RGS10: variants seen among roughly 807,000 people sequenced by gnomAD.
The protein encoded by RGS10 is regulator of G-protein signalling 10.
Under a neutral mutation model 23.5 loss-of-function variants are expected in RGS10, and 11 were observed. The ratio of observed to expected loss-of-function variants is 0.47; its 90% CI spans 0.29 to 0.77. The LOEUF is 0.77. Among genes scored for constraint, RGS10 ranks in the 30% least tolerant of loss-of-function variants. The pLI, the probability that RGS10 is intolerant of heterozygous loss-of-function variation, is 0.08. For synonymous variants in RGS10, 77 were observed against 83.2 expected, an observed-to-expected ratio of 0.92 and a Z score of 0.41; for missense variants, 180 against 226.3, an observed-to-expected ratio of 0.80 and a Z score of 1.31.
At chr10:119,518,849 A>T (rs1306397911) in intron 3 of RGS10, among the ~76,000 whole-genome samples, 3 of 151,852 alleles carry the variant, frequency 2.0e-5, no homozygotes, top group African/African-American at 7.3e-5. Context: ...GGATTACAGG[A>T]GTCCGCCACC....
At chr10:119,528,775 A>G (rs3009923) in intron 1 of RGS10, among the ~76,000 whole-genome samples, 65 of 152,226 alleles carry the variant, frequency 4.3e-4, no homozygotes, top group Middle Eastern at 3.4e-3. Flanking sequence ...CGGAGGTTGC[A>G]GTGAGCCAAG....
At chr10:119,529,224 G>A (rs559926949) in intron 1 of RGS10, among the ~76,000 whole-genome samples, 4 of 152,092 alleles carry the variant, frequency 2.6e-5, no homozygotes, top group South Asian at 2.1e-4. Context: ...GGGCTGAGGC[G>A]GGTGGATCAC....
chr10:119,526,663 C>G (rs1319345186), intron 2 of RGS10, among the ~76,000 whole-genome samples: 2 of 152,218 alleles, frequency 1.3e-5, no homozygotes, highest in African/African-American at 4.8e-5. Flanking sequence ...CGACCAGGAA[C>G]TAGAAGCCTA....
In RGS10 at chr10:119,499,824, T is replaced by G; in HGVS notation, c.*289A>C. The G allele has an allele frequency of 3.4e-6, 1 of 296,934 alleles. No individual in the cohort carries two copies. Among genetic ancestry groups the G allele is most frequent in the Non-Finnish European group, 6.3e-6 (1 of 158,970 alleles). 18.4% of individuals were successfully genotyped at this position (296,934 alleles called of 1,614,324 possible). On this transcript the variant is annotated 3_prime_UTR_variant, in exon 5 of 5. Transcript: ENST00000369103. ...AAAAGGTAGTGTGATACGTTTCACC[T>G]TGTGGCCTTACATGAGGTTTAATTA... is the stretch of plus-strand genomic sequence containing the variant.
chr10:119,500,050 G>C lies in RGS10; in HGVS notation c.*63C>G, dbSNP rs533878986. On this transcript the variant is annotated 3_prime_UTR_variant, in exon 5 of 5. Coordinates refer to ENST00000369103, the MANE Select transcript of RGS10 (RefSeq NM_001005339.2). ...CAAATAACAAAGCAATGATAAACCCGGCACGGTCCTGAGAGGAAATTCCTT... is the reference window on the plus strand; with the variant it reads ...CAAATAACAAAGCAATGATAAACCCCGCACGGTCCTGAGAGGAAATTCCTT... 2.6e-6 allele frequency: 4 copies of C among 1,551,996 alleles called. No homozygotes were observed. The highest frequency in any genetic ancestry group is 1.4e-5 in the African/African-American group (1 of 72,520).
intron 1 of RGS10, among the ~76,000 whole-genome samples, chr10:119,535,340 G>A (rs555328030): frequency 2.6e-5 from 4 of 151,672 alleles, no homozygotes; most frequent in Admixed American, 6.5e-5. Context: ...ATGTATATGC[G>A]TTTTCCATTT....
In RGS10 at chr10:119,525,717, C is replaced by A. The variant is rs539783707; in HGVS notation, c.255+315G>T. ...CGTTTTACCACGTCCAAAATGCTAA[C>A]ATGTCAAAATGTGGGGAAAACATCC... On this transcript the variant is annotated intron_variant, in intron 3 of 4. Transcript: ENST00000369103. Among the ~76,000 whole-genome samples, 27 of 152,270 alleles carry A rather than the reference C, an allele frequency of 1.8e-4. 1 individual carries two copies. Among genetic ancestry groups the A allele is most frequent in the South Asian group, 6.2e-4 (3 of 4,818 alleles).
At chr10:119,512,028 GC>G (rs747623850) in intron 4 of RGS10, among the ~76,000 whole-genome samples, 15 of 152,200 alleles carry the variant, frequency 9.9e-5, no homozygotes, top group Non-Finnish European at 2.1e-4. Flanking sequence ...GGCTCATCTA[GC>G]CTGGGGCTCA....
At chr10:119,542,497 C>G in intron 1 of RGS10, 93 bp downstream of exon 1, 1 of 1,169,078 alleles carries the variant, frequency 8.6e-7, no homozygotes, top group Non-Finnish European at 1.1e-6. Context: ...GAGGTACCAC[C>G]GAGCCGCGCC....
At chr10:119,542,483 C>T in intron 1 of RGS10, 107 bp downstream of exon 1, 20 of 1,014,006 alleles carry the variant, frequency 2.0e-5, no homozygotes, top group Non-Finnish European at 2.6e-5. Context: ...GGGCTCCAGT[C>T]TGGGAGGTAC....
intron 1 of RGS10, among the ~76,000 whole-genome samples, chr10:119,539,033 G>A (rs891718850): frequency 1.3e-5 from 2 of 152,198 alleles, no homozygotes; most frequent in African/African-American, 4.8e-5. Context: ...TCAGCCAACA[G>A]AGATAAAACA....
At chr10:119,529,658 C>T (rs372669148) in intron 1 of RGS10, among the ~76,000 whole-genome samples, 4 of 152,112 alleles carry the variant, frequency 2.6e-5, no homozygotes, top group African/African-American at 9.7e-5. Context: ...TCCTTTCTTC[C>T]CATCTCTAAA....
At chr10:119,536,882 G>A (rs115476367) in intron 1 of RGS10, among the ~76,000 whole-genome samples, 223 of 152,228 alleles carry the variant, frequency 1.5e-3, no homozygotes, top group African/African-American at 5.2e-3. Flanking sequence ...AATCTGTCCC[G>A]CACCCTCCCT....
chr10:119,504,184 TTTG>T (rs1186321057), intron 4 of RGS10, among the ~76,000 whole-genome samples: 2 of 152,220 alleles, frequency 1.3e-5, no homozygotes, highest in East Asian at 1.9e-4. Context: ...TACGTTCTTT[TTTG>T]TTGTTGTTGT....
rs1844410145 is a variant in RGS10, at chr10:119,538,569, G to A, written c.49+4021C>T. On this transcript the variant is annotated intron_variant, in intron 1 of 4. Transcript: ENST00000369103. This position sits in a 1 kb window ranked among gnomAD's most constrained non-coding sequence, Gnocchi z 4.5. ...GGTAGAGTAGGGAGCAGGAAAAATG[G>A]GGCTGGGAAGGACTCAGTCAGATAA... 6.6e-6 allele frequency among the ~76,000 whole-genome samples: 1 copy of A among 152,168 alleles called. No homozygotes were observed. Among genetic ancestry groups the A allele is most frequent in the Non-Finnish European group, 1.5e-5 (1 of 68,026 alleles).
intron 3 of RGS10, among the ~76,000 whole-genome samples, chr10:119,520,613 T>A (rs1306416119): frequency 6.6e-6 from 1 of 152,054 alleles, no homozygotes; most frequent in African/African-American, 2.4e-5. Flanking sequence ...ATAAAGGGAT[T>A]CAGGGAAATT....
At chr10:119,523,729 C>T (rs11814051) in intron 3 of RGS10, among the ~76,000 whole-genome samples, 6,668 of 152,232 alleles carry the variant, frequency 0.044, 280 homozygotes, top group East Asian at 0.12. Flanking sequence ...GCTGCCCATT[C>T]GGAAGCTCTC....
intron 3 of RGS10, among the ~76,000 whole-genome samples, chr10:119,520,339 AG>A (rs879701395): frequency 1.3e-5 from 2 of 152,162 alleles, no homozygotes; most frequent in Non-Finnish European, 2.9e-5. Flanking sequence ...ACAGGTGGGG[AG>A]GGGGTGCCAA....
In RGS10 at chr10:119,510,037, T is replaced by C. The variant is rs141835635; in HGVS notation, c.399+5472A>G. 1.4e-3 allele frequency among the ~76,000 whole-genome samples: 207 copies of C among 151,882 alleles called. 1 individual carries two copies. Among genetic ancestry groups the C allele is most frequent in the African/African-American group, 4.6e-3 (189 of 41,442 alleles). ...GTGAGCCACAGTCAGGAGGTCAGGGTTTCACGGCTGACTTTCTAATAACGG... is the reference window on the plus strand; with the variant it reads ...GTGAGCCACAGTCAGGAGGTCAGGGCTTCACGGCTGACTTTCTAATAACGG... On this transcript the variant is annotated intron_variant, in intron 4 of 4. Coordinates refer to ENST00000369103, the MANE Select transcript of RGS10 (RefSeq NM_001005339.2).
Sources: gnomAD v4.1 joint callset for allele counts (sites outside exome capture counted in the v4.1 genomes callset) on GRCh38, gnomAD v4.1.1 for gene constraint, Gnocchi (gnomAD v3.1) non-coding constraint, MANE v1.5 for transcripts, NCBI Gene and HGNC (gene_info 2026-07-23, HGNC 2026-07-21) for gene names.